Variants in VAT1L observed in about 807,000 individuals in gnomAD.
VAT1L encodes the protein vesicle amine transport 1 like, also known as putative NADPH-dependent quinone oxidoreductase VAT1L.
VAT1L carries 34 observed loss-of-function variants against 44.1 expected under a neutral mutation model. The ratio of observed to expected loss-of-function variants is 0.77; its 90% confidence interval spans 0.59 to 1.03. The LOEUF (loss-of-function observed/expected upper bound fraction) is 1.03, where lower values mean the gene tolerates loss of function less well. Ranked by LOEUF, VAT1L falls within the 50% of genes least tolerant of loss-of-function variation. The pLI is 0.00. For synonymous variants in VAT1L, 253 were observed against 202.2 expected, an observed-to-expected ratio of 1.25 and a Z score of -2.13; for missense variants, 615 against 538.8, an observed-to-expected ratio of 1.14 and a Z score of -1.40.
intron 3 of VAT1L, among the ~76,000 whole-genome samples, chr16:77,830,392 A>G (rs1256413796): frequency 6.6e-6 from 1 of 151,974 alleles, no homozygotes; most frequent in Non-Finnish European, 1.5e-5. Flanking sequence ...ACAGCCTTTT[A>G]TTTGTCTATG....
intron 3 of VAT1L, among the ~76,000 whole-genome samples, chr16:77,850,203 G>A (rs2142432716): frequency 6.6e-6 from 1 of 152,318 alleles, no homozygotes; most frequent in Admixed American, 6.5e-5. Flanking sequence ...GGTAAAGACA[G>A]GAGTAGGGGA....
intron 7 of VAT1L, among the ~76,000 whole-genome samples, chr16:77,929,011 T>A (rs1277671590): frequency 6.6e-6 from 1 of 152,106 alleles, no homozygotes; most frequent in Non-Finnish European, 1.5e-5. Flanking sequence ...GAGATGGGGT[T>A]TCACCATGTT....
chr16:77,814,061 C>T (rs78386594), intron 1 of VAT1L, among the ~76,000 whole-genome samples: 6 of 152,166 alleles, frequency 3.9e-5, no homozygotes, highest in African/African-American at 9.7e-5. Context: ...AAGTTACTTA[C>T]GCTCTCTGGG....
intron 3 of VAT1L, among the ~76,000 whole-genome samples, chr16:77,842,635 G>T (rs1302237871): frequency 6.6e-6 from 1 of 152,148 alleles, no homozygotes; most frequent in Non-Finnish European, 1.5e-5. Flanking sequence ...CAAAGCCAGG[G>T]GTAGGTAGTG....
intron 8 of VAT1L, among the ~76,000 whole-genome samples, chr16:77,973,336 G>C (rs141831455): frequency 0.02 from 3,099 of 152,264 alleles, 61 homozygotes; most frequent in East Asian, 0.098. Flanking sequence ...CCAGGCTGGA[G>C]TGCAATGGCA....
chr16:77,926,257 T>TAAA (rs34182080), intron 7 of VAT1L, among the ~76,000 whole-genome samples: 1 of 112,806 alleles, frequency 8.9e-6, no homozygotes, highest in Non-Finnish European at 1.8e-5. Context: ...CGTCTCAAAG[T>TAAA]AAAAAAAAAA....
At chr16:77,834,578 A>G (rs1313372492) in intron 3 of VAT1L, among the ~76,000 whole-genome samples, 1 of 152,134 alleles carries the variant, frequency 6.6e-6, no homozygotes, top group African/African-American at 2.4e-5. Context: ...GTTAAAGATT[A>G]CAGAGGCTTC....
At chr16:77,864,027 T>G (rs2142443920) in intron 4 of VAT1L, among the ~76,000 whole-genome samples, 1 of 152,248 alleles carries the variant, frequency 6.6e-6, no homozygotes, top group East Asian at 1.9e-4. Flanking sequence ...GAATGATGGT[T>G]TATAACCTGT....
intron 3 of VAT1L, among the ~76,000 whole-genome samples, chr16:77,843,259 T>C (rs1340686099): frequency 6.6e-6 from 1 of 152,082 alleles, no homozygotes; most frequent in Non-Finnish European, 1.5e-5. Context: ...TATAGGGTCA[T>C]GTTGGCCTCC....
intron 1 of VAT1L, among the ~76,000 whole-genome samples, chr16:77,796,526 G>A (rs2015936555): frequency 6.6e-6 from 1 of 152,236 alleles, no homozygotes; most frequent in Non-Finnish European, 1.5e-5. Context: ...CTGTGGCTGT[G>A]TGATCTTAAG....
chr16:77,842,012 C>T (rs1224459426), intron 3 of VAT1L, among the ~76,000 whole-genome samples: 1 of 152,036 alleles, frequency 6.6e-6, no homozygotes, highest in East Asian at 1.9e-4. Context: ...CTCAGCCTCC[C>T]GAGTAGCTGG....
intron 7 of VAT1L, among the ~76,000 whole-genome samples, chr16:77,898,934 T>A (rs2017352651): frequency 6.6e-6 from 1 of 152,186 alleles, no homozygotes; most frequent in South Asian, 2.1e-4. Flanking sequence ...AACTGTTAGC[T>A]TGTTTTGGGA....
chr16:77,936,296 C>T (rs2017795471), intron 7 of VAT1L, among the ~76,000 whole-genome samples: 1 of 152,170 alleles, frequency 6.6e-6, no homozygotes, highest in Non-Finnish European at 1.5e-5. Context: ...GGACAATTTT[C>T]CACTTTAGAG....
chr16:77,816,827 A>T, intron 1 of VAT1L, 94 bp from the exon 2 acceptor site: 1 of 1,425,844 alleles, frequency 7.0e-7, no homozygotes, highest in Non-Finnish European at 9.3e-7. Flanking sequence ...GAGGGAGGAA[A>T]GGAGGAAAAG....
Position 77,879,069 on chromosome 16 carries a change from T to A in VAT1L, c.827-100T>A, listed in dbSNP as rs3751767. On this transcript the variant is annotated intron_variant, in intron 5 of 8. Transcript: ENST00000302536. The surrounding 1 kb of genome is among the most constrained non-coding windows in gnomAD (Gnocchi z 4.1). ...CTTAATTAAATTTGTTTTCAAGATT[T>A]CTCCAGTTCCGGACCAAACAATTGC... The A allele has an allele frequency of 8.5e-7, 1 of 1,180,336 alleles. No individual in the cohort carries two copies. Among genetic ancestry groups the A allele is most frequent in the Non-Finnish European group, 1.2e-6 (1 of 805,244 alleles). The allele number at this position is 1,180,336 out of a possible 1,614,324, so 73.1% of individuals were successfully genotyped here. A position where few individuals can be genotyped will look rare whatever the true frequency, so the allele number is the denominator to read the frequency against.
At chr16:77,887,152 C>T (rs1176433796) in intron 7 of VAT1L, among the ~76,000 whole-genome samples, 1 of 152,024 alleles carries the variant, frequency 6.6e-6, no homozygotes, top group African/African-American at 2.4e-5. Context: ...CAAGGAGATC[C>T]CTAAAAACAA....
In VAT1L at chr16:77,840,433, A is replaced by G. The variant is rs184219641; in HGVS notation, c.579+14972A>G. Among the ~76,000 whole-genome samples the G allele has an allele frequency of 3.3e-4, 50 of 152,256 alleles. No homozygotes were observed. In the East Asian group the frequency reaches 9.5e-3, roughly 29 times the overall value. On this transcript the variant is annotated intron_variant, in intron 3 of 8. Coordinates refer to ENST00000302536, the MANE Select transcript of VAT1L (RefSeq NM_020927.3). ...TGACCTCTCTCTGTAGCATAAAGCT[A>G]GTAGTTAGAGTATCAGGAGCATTCC...
Position 77,946,884 on chromosome 16 carries a change from G to C in VAT1L, c.1078-24966G>C, listed in dbSNP as rs889847444. 5.3e-5 allele frequency among the ~76,000 whole-genome samples: 8 copies of C among 152,196 alleles called. 1 individual carries two copies. The highest frequency in any genetic ancestry group is 2.0e-4 in the Admixed American group (3 of 15,276). On this transcript the variant is annotated intron_variant, in intron 7 of 8. Coordinates refer to ENST00000302536, the MANE Select transcript of VAT1L (RefSeq NM_020927.3). The stretch of plus-strand genomic sequence containing the variant: ...AGCCCAGGCTGAAACAAGAATGGCT[G>C]AAGTCTGGCTATCCATCCCTAGTTG...
Position 77,964,779 on chromosome 16 carries a change from C to CTTTTTT in VAT1L, c.1078-7044_1078-7039dup, listed in dbSNP as rs10566511. ...AACACTGCTCACGCCCTTTGTAGCACTTTTTTTTTTTTTTTTTTTTTTTTT... is the reference window on the plus strand; with the variant it reads ...AACACTGCTCACGCCCTTTGTAGCACTTTTTTTTTTTTTTTTTTTTTTTTTTTTTTT... On this transcript the variant is annotated intron_variant, in intron 7 of 8. Coordinates refer to ENST00000302536, the MANE Select transcript of VAT1L (RefSeq NM_020927.3). 3.5e-3 allele frequency among the ~76,000 whole-genome samples: 322 copies of CTTTTTT among 91,808 alleles called. 23 individuals carry two copies. The East Asian group carries it at 0.053, about 15-fold the overall frequency. The allele number at this position is 91,808 out of a possible 152,430, so 60.2% of individuals were successfully genotyped here. A position where few individuals can be genotyped will look rare whatever the true frequency, so the allele number is the denominator to read the frequency against.
Sources: allele counts gnomAD v4.1 joint callset (sites outside exome capture counted in the v4.1 genomes callset), GRCh38; gene constraint gnomAD v4.1.1; non-coding constraint Gnocchi (gnomAD v3.1); transcripts MANE v1.5; gene names NCBI Gene and HGNC (gene_info 2026-07-23, HGNC 2026-07-21).